The following COL10A1 variants were observed in gnomAD, a reference collection of about 807,000 sequenced individuals.
COL10A1 encodes the protein collagen alpha-1(X) chain.
In COL10A1, 10 loss-of-function variants were observed where a neutral mutation model predicts 18.2. The ratio of observed to expected loss-of-function variants is 0.55; its 90% CI spans 0.34 to 0.93. COL10A1 has a LOEUF of 0.93. Ranked by LOEUF, COL10A1 falls within the 40% of genes least tolerant of loss-of-function variation. COL10A1 has a pLI of 0.02. For missense variants in COL10A1, 897 were observed against 853.5 expected (o/e 1.05, Z -0.64); for synonymous variants, 330 against 316.6 (o/e 1.04, Z -0.45).
the COL10A1 span, among the ~76,000 whole-genome samples, chr6:116,178,675 T>C: frequency 2.6e-5 from 4 of 152,328 alleles, no homozygotes; most frequent in East Asian, 7.7e-4. Context: ...TACTGAATAG[T>C]CCAAAATGTT....
the COL10A1 span, among the ~76,000 whole-genome samples, chr6:116,176,743 A>T: frequency 6.6e-6 from 1 of 152,040 alleles, no homozygotes; most frequent in Admixed American, 6.6e-5. Flanking sequence ...TTTCATTAGC[A>T]TGAAGAGTCT....
At chr6:116,146,622 A>G (rs1779903721) in intron 1 of COL10A1, among the ~76,000 whole-genome samples, 1 of 152,220 alleles carries the variant, frequency 6.6e-6, no homozygotes, top group Non-Finnish European at 1.5e-5. Context: ...TACTTACTTT[A>G]TCTGTATCTT....
chr6:116,147,599 G>T (rs1779930726), intron 1 of COL10A1, among the ~76,000 whole-genome samples: 1 of 152,034 alleles, frequency 6.6e-6, no homozygotes, highest in Non-Finnish European at 1.5e-5. Flanking sequence ...AATGGATAAA[G>T]AATTATAAAT....
the COL10A1 span, among the ~76,000 whole-genome samples, chr6:116,179,116 C>G: frequency 6.6e-6 from 1 of 152,058 alleles, no homozygotes. Context: ...TATTTAGCTT[C>G]AGGAAGTGTC....
At chr6:116,200,050 G>T in the COL10A1 span, among the ~76,000 whole-genome samples, 1 of 151,620 alleles carries the variant, frequency 6.6e-6, no homozygotes, top group African/African-American at 2.4e-5. Flanking sequence ...ATACTGTCCT[G>T]GCCAAATCAT....
chr6:116,178,382 T>G, the COL10A1 span, among the ~76,000 whole-genome samples: 1 of 152,192 alleles, frequency 6.6e-6, no homozygotes, highest in Admixed American at 6.6e-5. Flanking sequence ...CAGCCTTTCT[T>G]GATTCATAAA....
At chr6:116,195,620 G>A in the COL10A1 span, among the ~76,000 whole-genome samples, 1 of 151,932 alleles carries the variant, frequency 6.6e-6, no homozygotes, top group African/African-American at 2.4e-5. Context: ...TACATAATCA[G>A]GGGTTAGAAA....
chr6:116,179,480 C>T, the COL10A1 span, among the ~76,000 whole-genome samples: 1 of 151,834 alleles, frequency 6.6e-6, no homozygotes, highest in Non-Finnish European at 1.5e-5. Flanking sequence ...GCTAAGAACC[C>T]GAATAGACAA....
chr6:116,166,070 A>G, the COL10A1 span, among the ~76,000 whole-genome samples: 1 of 152,048 alleles, frequency 6.6e-6, no homozygotes. Flanking sequence ...CTCCCTGACA[A>G]TTTGGCAGTC....
At chr6:116,193,083 C>T in the COL10A1 span, among the ~76,000 whole-genome samples, 3 of 152,090 alleles carry the variant, frequency 2.0e-5, no homozygotes, top group Admixed American at 1.3e-4. Flanking sequence ...GCCTTACAGA[C>T]TCTCATATAT....
chr6:116,120,781 A>AG lies in COL10A1; in HGVS notation c.1334dup (p.Gly446TrpfsTer6), dbSNP rs1779094002. 1 of 1,613,176 alleles carries AG rather than the reference A, an allele frequency of 6.2e-7. No homozygotes were observed. Among genetic ancestry groups the AG allele is most frequent in the Admixed American group, 1.7e-5 (1 of 59,988 alleles). On this transcript the variant is annotated frameshift_variant, in exon 3 of 3. Coordinates refer to ENST00000651968, the MANE Select transcript of COL10A1 (RefSeq NM_000493.4). LOFTEE classifies it low-confidence loss of function (END_TRUNC). ...TAGGGCCTCTAGTACCTGGTATTCC[A>AG]GGGGCACCTCTTGGGCCAGCCTCTC...
the COL10A1 span, among the ~76,000 whole-genome samples, chr6:116,191,361 G>C: frequency 2.0e-5 from 3 of 152,070 alleles, no homozygotes; most frequent in South Asian, 4.1e-4. Flanking sequence ...AAACCCTACT[G>C]TACTTACTGT....
chr6:116,187,607 G>A, the COL10A1 span, among the ~76,000 whole-genome samples: 6 of 152,082 alleles, frequency 3.9e-5, no homozygotes, highest in African/African-American at 1.4e-4. Context: ...GTACAGCAGA[G>A]CAGTGGGGAA....
upstream of COL10A1, among the ~76,000 whole-genome samples, chr6:116,127,678 T>C (rs2114318040): frequency 6.6e-6 from 1 of 152,236 alleles, no homozygotes; most frequent in African/African-American, 2.4e-5. Context: ...AATGCTAGGT[T>C]GAATTTGTTT....
chr6:116,129,693 C>T (rs1465907194), upstream of COL10A1, among the ~76,000 whole-genome samples: 1 of 152,200 alleles, frequency 6.6e-6, no homozygotes, highest in Non-Finnish European at 1.5e-5. Context: ...TCATAAATTA[C>T]CCCGTCTGTG....
chr6:116,169,200 C>G, the COL10A1 span, among the ~76,000 whole-genome samples: 1 of 152,180 alleles, frequency 6.6e-6, no homozygotes, highest in South Asian at 2.1e-4. Context: ...AACTTGACCT[C>G]TTAAATCTTC....
upstream of COL10A1, among the ~76,000 whole-genome samples, chr6:116,159,420 T>C (rs756012930): frequency 2.6e-5 from 4 of 152,226 alleles, no homozygotes; most frequent in African/African-American, 4.8e-5. Flanking sequence ...TTTCTACCCA[T>C]TCCTTTGTTC....
chr6:116,128,236 A>G (rs916473300), upstream of COL10A1, among the ~76,000 whole-genome samples: 3 of 152,150 alleles, frequency 2.0e-5, no homozygotes, highest in Non-Finnish European at 4.4e-5. Flanking sequence ...CAAATAGTGT[A>G]CTTATTTCAG....
upstream of COL10A1, among the ~76,000 whole-genome samples, chr6:116,130,816 G>A (rs1267378883): frequency 6.6e-6 from 1 of 151,890 alleles, no homozygotes; most frequent in Admixed American, 6.6e-5. Context: ...TTATTCATTT[G>A]TTTATTCCAT....
Sources: allele counts gnomAD v4.1 joint callset (sites outside exome capture counted in the v4.1 genomes callset), GRCh38; gene constraint gnomAD v4.1.1; transcripts MANE v1.5; gene names NCBI Gene and HGNC (gene_info 2026-07-23, HGNC 2026-07-21).